DPF2: variants seen among roughly 807,000 people sequenced by gnomAD.
DPF2 encodes the protein zinc finger protein ubi-d4.
Under a neutral mutation model 59.6 loss-of-function variants are expected in DPF2, and 10 were observed. The ratio of observed to expected loss-of-function variants is 0.17; its 90% CI spans 0.10 to 0.28. The LOEUF (loss-of-function observed/expected upper bound fraction) is 0.28, where lower values mean the gene tolerates loss of function less well. DPF2 is among the 10% of genes least tolerant of loss of function. DPF2 has a pLI of 1.00. For synonymous variants in DPF2, 189 were observed against 190.6 expected, an observed-to-expected ratio of 0.99 and a Z score of 0.07; for missense variants, 315 against 509.4, an observed-to-expected ratio of 0.62 and a Z score of 3.67.
At chr11:65,340,356 T>C (rs769671589) in intron 1 of DPF2, 29 bp from the exon 2 acceptor site, 2 of 1,611,916 alleles carry the variant, frequency 1.2e-6, no homozygotes, top group Non-Finnish European at 1.7e-6. Flanking sequence ...CGCTCCAACA[T>C]ACACGCCTGA....
At chr11:65,348,640 G>T (rs1211576631) in intron 9 of DPF2, 4 of 424,374 alleles carry the variant, frequency 9.4e-6, no homozygotes, top group African/African-American at 2.1e-5. Context: ...AAGTGGAGGT[G>T]ATTTGATCAA....
chr11:65,335,904 C>T (rs900041078), intron 1 of DPF2, among the ~76,000 whole-genome samples: 3 of 152,096 alleles, frequency 2.0e-5, no homozygotes, highest in Admixed American at 6.6e-5. Context: ...ACCTCCGCCT[C>T]CCGGGTTCCA....
At chr11:65,349,349 A>C (rs1330310414) in intron 10 of DPF2, among the ~76,000 whole-genome samples, 1 of 152,184 alleles carries the variant, frequency 6.6e-6, no homozygotes, top group African/African-American at 2.4e-5. Context: ...TTGGAGCCTG[A>C]ATGGGTCAGT....
rs1299790769 is a variant in DPF2, at chr11:65,343,776, A to G, written c.497A>G (p.Asp166Gly). 1 of 1,598,332 alleles carries G rather than the reference A, an allele frequency of 6.3e-7. No homozygotes were observed. The highest frequency in any genetic ancestry group is 8.5e-7 in the Non-Finnish European group (1 of 1,172,724). The change falls in exon 5 of 11, where the codon GAC becomes GGC. Residue 166 changes from aspartate to glycine, a missense_variant. Coordinates refer to ENST00000528416, the MANE Select transcript of DPF2 (RefSeq NM_006268.5). ...RILEPDDFLD[D>G]LDDEDYEEDT... ...CTAGAACCAGATGACTTCCTGGATGACCTCGATGATGAAGACTATGAAGAA... is the reference window on the plus strand; with the variant it reads ...CTAGAACCAGATGACTTCCTGGATGGCCTCGATGATGAAGACTATGAAGAA...
chr11:65,336,111 C>T (rs1590928281), intron 1 of DPF2, among the ~76,000 whole-genome samples: 1 of 152,076 alleles, frequency 6.6e-6, no homozygotes, highest in Admixed American at 6.6e-5. Context: ...CCACGCCCGG[C>T]CCCTCATCTT....
At chr11:65,349,355 T>G (rs1457345837) in intron 10 of DPF2, among the ~76,000 whole-genome samples, 1 of 152,182 alleles carries the variant, frequency 6.6e-6, no homozygotes, top group Non-Finnish European at 1.5e-5. Flanking sequence ...CCTGAATGGG[T>G]CAGTCTGCTT....
chr11:65,350,863 C>T (rs1854676544), intron 10 of DPF2, among the ~76,000 whole-genome samples: 1 of 151,622 alleles, frequency 6.6e-6, no homozygotes, highest in South Asian at 2.1e-4. Flanking sequence ...CTTGTAATCT[C>T]AGCTACTATA....
chr11:65,337,606 C>CT (rs1329502848), intron 1 of DPF2, among the ~76,000 whole-genome samples: 19 of 129,698 alleles, frequency 1.5e-4, no homozygotes, highest in Admixed American at 3.3e-4. Context: ...TTTGTTATTG[C>CT]TTTTTTTTGT....
Position 65,345,761 on chromosome 11 carries a change from C to A in DPF2, c.733C>A (p.Gln245Lys). 6.2e-7 allele frequency: 1 copy of A among 1,614,132 alleles called. No homozygotes were observed. The highest frequency in any genetic ancestry group is 8.5e-7 in the Non-Finnish European group (1 of 1,180,022). Residue 245 changes from glutamine to lysine, a missense_variant, in exon 7 of 11, where the codon CAA becomes AAA. Around this residue, in one of 4 missense-constraint regions of DPF2, gnomAD observed 58 missense variants for 84.6 expected, o/e 0.69. Coordinates refer to ENST00000528416, the MANE Select transcript of DPF2 (RefSeq NM_006268.5). ...GGAGGGCGAGGACAAGGAAGACTCT[C>A]AACCACCCACTCCTGTTTCCCAGAG... Reference protein sequence around the residue: ...EEEGEDKEDSQPPTPVSQRSE... With the variant: ...EEEGEDKEDSKPPTPVSQRSE...
rs1210445450 is a variant in DPF2 at position 65,341,486 on chromosome 11, A to G, written c.389A>G (p.Lys130Arg). 1.2e-6 allele frequency: 2 copies of G among 1,614,126 alleles called. No individual in the cohort carries two copies. The highest frequency in any genetic ancestry group is 2.7e-5 in the African/African-American group (2 of 74,938). Residue 130 changes from lysine to arginine, a missense_variant, in exon 4 of 11, where the codon AAG (lysine) becomes AGG (arginine). Lys to Arg is a conservative substitution (Grantham distance 26). This residue lies in a region of DPF2 where 228 missense variants were observed against 275.3 expected (regional missense o/e 0.83). Transcript: ENST00000528416. Reference protein sequence around the residue: ...EALLRTDPLEKRGAPDPRVDD... With the variant: ...EALLRTDPLERRGAPDPRVDD... ...CTGTTGCGCACTGACCCCCTGGAGAAGCGAGGTGCCCCGGATCCCCGAGTT... is the reference window on the plus strand; with the variant it reads ...CTGTTGCGCACTGACCCCCTGGAGAGGCGAGGTGCCCCGGATCCCCGAGTT...
chr11:65,337,926 TC>T (rs932096079), intron 1 of DPF2, among the ~76,000 whole-genome samples: 1 of 151,990 alleles, frequency 6.6e-6, no homozygotes, highest in Non-Finnish European at 1.5e-5. Flanking sequence ...TGCCTCAGCC[TC>T]CCCCGTAGCT....
chr11:65,351,577 A>G (rs1475893243), intron 10 of DPF2, 106 bp from the exon 11 acceptor site: 11 of 949,672 alleles, frequency 1.2e-5, no homozygotes, highest in Middle Eastern at 2.1e-4. Context: ...CCCTCGTCCT[A>G]CCTGTAGCTG....
chr11:65,346,235 C>T lies in DPF2; in HGVS notation c.905-12C>T. 6.2e-7 allele frequency: 1 copy of T among 1,613,210 alleles called. No homozygotes were observed. Among genetic ancestry groups the T allele is most frequent in the Non-Finnish European group, 8.5e-7 (1 of 1,179,480 alleles). ...TTCCGACTGTCTGTCTCACTCACTT[C>T]CCCCACTACAGGGCATCCATCTTGC... is the stretch of plus-strand genomic sequence containing the variant. On this transcript the variant is annotated splice_polypyrimidine_tract_variant and intron_variant, in intron 8 of 10. Transcript: ENST00000528416.
chr11:65,338,111 T>G (rs1290800581), intron 1 of DPF2, among the ~76,000 whole-genome samples: 1 of 152,122 alleles, frequency 6.6e-6, no homozygotes, highest in Admixed American at 6.6e-5. Flanking sequence ...TTTTTTATTT[T>G]TATTTTTTAA....
chr11:65,336,530 GC>G (rs1457055793), intron 1 of DPF2, among the ~76,000 whole-genome samples: 4 of 151,746 alleles, frequency 2.6e-5, no homozygotes, highest in Non-Finnish European at 5.9e-5. Flanking sequence ...GGTGGCTCAT[GC>G]CTGTAATCCC....
intron 3 of DPF2, 52 bp from the exon 4 acceptor site, chr11:65,341,347 C>G (rs986429658): frequency 4.5e-5 from 72 of 1,608,538 alleles, no homozygotes; most frequent in Middle Eastern, 1.6e-4. Context: ...GGACTCAGAG[C>G]AGTCTGCTTT....
intron 1 of DPF2, among the ~76,000 whole-genome samples, chr11:65,337,542 GA>G (rs1324023796): frequency 1.3e-4 from 17 of 129,166 alleles, no homozygotes; most frequent in African/African-American, 4.7e-4. Flanking sequence ...GAGAGAGAGA[GA>G]GAGAACAATG....
chr11:65,338,081 G>A (rs569950523), intron 1 of DPF2, among the ~76,000 whole-genome samples: 91 of 152,078 alleles, frequency 6.0e-4, no homozygotes, highest in Non-Finnish European at 1.1e-3. Context: ...GATTACAGGC[G>A]TGAGCCACTG....
intron 6 of DPF2, chr11:65,344,453 C>A: frequency 1.2e-6 from 1 of 859,048 alleles, no homozygotes; most frequent in Non-Finnish European, 1.8e-6. Flanking sequence ...CCACTTCTGT[C>A]CCTCCACCCT....
Sources: allele counts gnomAD v4.1 joint callset (sites outside exome capture counted in the v4.1 genomes callset), GRCh38; gene constraint gnomAD v4.1.1; regional missense constraint gnomAD v4.1.1; transcripts MANE v1.5; gene names NCBI Gene and HGNC (gene_info 2026-07-23, HGNC 2026-07-21).